SH3GLB2: variants seen among roughly 807,000 people sequenced by gnomAD.
SH3GLB2 encodes the protein SH3 domain containing GRB2 like, endophilin B2.
Under a neutral mutation model 48.0 loss-of-function variants are expected in SH3GLB2, and 24 were observed. The observed-to-expected ratio is 0.50, with a 90% confidence interval of 0.36 to 0.70. The LOEUF is 0.70. Among genes scored for constraint, SH3GLB2 ranks in the 30% least tolerant of loss-of-function variants. SH3GLB2 has a pLI of 0.00. For synonymous variants in SH3GLB2, 227 were observed against 207.6 expected, an observed-to-expected ratio of 1.09 and a Z score of -0.80; for missense variants, 425 against 516.0, an observed-to-expected ratio of 0.82 and a Z score of 1.71.
In SH3GLB2 at chr9:129,010,672, T is replaced by C; in HGVS notation, c.646A>G (p.Lys216Glu). Residue 216 changes from lysine to glutamate, a missense_variant and splice_region_variant, in exon 7 of 11, where the codon AAG (lysine) becomes GAG (glutamate). Coordinates refer to ENST00000372564, the MANE Select transcript of SH3GLB2 (RefSeq NM_020145.4). ...ASALWNDEVD[K>E]AEQELRVAQT... ...CAGCCCCCCAGGCCCCAACTTACCT[T>C]GTCCACTTCATCATTCCAGAGCTGT... 6.2e-7 allele frequency: 1 copy of C among 1,613,860 alleles called. No homozygotes were observed.
chr9:129,009,174 G>A lies in SH3GLB2; in HGVS notation c.1012C>T (p.Arg338Cys), dbSNP rs756183083. 46 of 1,611,702 alleles carry A rather than the reference G, an allele frequency of 2.9e-5. No homozygotes were observed. Among genetic ancestry groups the A allele is most frequent in the Non-Finnish European group, 3.1e-5 (37 of 1,179,616 alleles). Residue 338 changes from arginine to cysteine, a missense_variant, in exon 10 of 11, where the codon CGC becomes TGC. Physicochemically the swap from Arg to Cys is radical, Grantham distance 180. Coordinates refer to ENST00000372564, the MANE Select transcript of SH3GLB2 (RefSeq NM_020145.4). ...TAGTCATAGAGCACCCGAGCTTTGC[G>A]GGTCCCACTGGCAGGGGGGGCCACC... is the stretch of plus-strand genomic sequence containing the variant. ...EEVAPPASGT[R>C]KARVLYDYEA...
At position 129,018,870 on chromosome 9, in the gene SH3GLB2, T is replaced by C. The variant is rs867297915; in HGVS notation, c.334+2221A>G. Among the ~76,000 whole-genome samples the C allele has an allele frequency of 7.4e-5, 11 of 147,930 alleles. No homozygotes were observed. In the South Asian group the frequency reaches 2.3e-3, roughly 32 times the overall value. On this transcript the variant is annotated intron_variant, in intron 3 of 10. Coordinates refer to ENST00000372564, the MANE Select transcript of SH3GLB2 (RefSeq NM_020145.4). Reference sequence around the variant, plus strand: ...TTGTGCCACTGCACTCCAGCCTGGGTGACAGAGTGAGACTCCATCTCAAAA... The same window carrying C: ...TTGTGCCACTGCACTCCAGCCTGGGCGACAGAGTGAGACTCCATCTCAAAA...
Position 129,014,863 on chromosome 9 carries a change from C to A in SH3GLB2, c.376G>T (p.Gly126Ter). The change falls in exon 4 of 11, where the codon GGA becomes TGA. Residue 126 changes from glycine (G) to a stop codon, truncating the protein, a stop_gained. Coordinates refer to ENST00000372564, the MANE Select transcript of SH3GLB2 (RefSeq NM_020145.4). LOFTEE classifies it high-confidence loss of function. This position sits in a 1 kb window ranked among gnomAD's most constrained non-coding sequence, Gnocchi z 4.1. ...IKVAEAEKQL[G>*]AAERDFIHTA... Reference sequence around the variant, plus strand: ...TGGATAAAATCCCTCTCCGCGGCTCCCAGTTGCTTTTCAGCTTCTGCCACC... The same window carrying A: ...TGGATAAAATCCCTCTCCGCGGCTCACAGTTGCTTTTCAGCTTCTGCCACC... The A allele has an allele frequency of 6.2e-7, 1 of 1,614,018 alleles. No homozygotes were observed. The highest frequency in any genetic ancestry group is 8.5e-7 in the Non-Finnish European group (1 of 1,179,998).
At position 129,008,228 on chromosome 9, in the gene SH3GLB2, C is replaced by G. The variant is rs1157170908; in HGVS notation, c.*456G>C. On this transcript the variant is annotated 3_prime_UTR_variant, in exon 11 of 11. Coordinates refer to ENST00000372564, the MANE Select transcript of SH3GLB2 (RefSeq NM_020145.4). ...ACACCAGCCCTGGCCAGGCTCTCCCCTCCCAGGGGCAGCGCCCAGTCCCCA... is the reference window on the plus strand; with the variant it reads ...ACACCAGCCCTGGCCAGGCTCTCCCGTCCCAGGGGCAGCGCCCAGTCCCCA... 1.7e-5 allele frequency: 3 copies of G among 177,796 alleles called. No homozygotes were observed. Among genetic ancestry groups the G allele is most frequent in the Non-Finnish European group, 3.6e-5 (3 of 83,212 alleles). The allele number at this position is 177,796 out of a possible 1,614,324, so 11.0% of individuals were successfully genotyped here. A position where few individuals can be genotyped will look rare whatever the true frequency, so the allele number is the denominator to read the frequency against.
At chr9:129,026,864 T>A (rs1191284826) in intron 1 of SH3GLB2, among the ~76,000 whole-genome samples, 1 of 152,104 alleles carries the variant, frequency 6.6e-6, no homozygotes, top group Non-Finnish European at 1.5e-5. Context: ...CCACCAGACT[T>A]GGAACACATT....
chr9:129,017,953 T>C (rs1588324755), intron 3 of SH3GLB2, among the ~76,000 whole-genome samples: 1 of 147,752 alleles, frequency 6.8e-6, no homozygotes, highest in African/African-American at 2.5e-5. Flanking sequence ...TGCGTGATGG[T>C]GCGTGCCTGT....
intron 3 of SH3GLB2, among the ~76,000 whole-genome samples, chr9:129,017,901 CAAAAAA>C (rs900509486): frequency 5.4e-4 from 35 of 64,788 alleles, no homozygotes; most frequent in African/African-American, 1.6e-3. Context: ...CCGTCTCAAA[CAAAAAA>C]AAAAAAAAAA....
At chr9:129,016,235 T>A (rs1162549284) in intron 3 of SH3GLB2, among the ~76,000 whole-genome samples, 1 of 148,330 alleles carries the variant, frequency 6.7e-6, no homozygotes, top group Non-Finnish European at 1.5e-5. Flanking sequence ...TCCAGCTACT[T>A]GGGAGACTGA....
rs963746992 is a variant in SH3GLB2, at chr9:129,016,341, TTAAAAAAAAAAAAAAAAAAA to T, written c.335-1457_335-1438del. Among the ~76,000 whole-genome samples the T allele has an allele frequency of 2.2e-3, 245 of 111,122 alleles. 1 individual carries two copies. Among genetic ancestry groups the T allele is most frequent in the African/African-American group, 8.7e-3 (237 of 27,314 alleles). 72.9% of individuals were successfully genotyped at this position (111,122 alleles called of 152,430 possible). Reference sequence around the variant, plus strand: ...CTGGGCAACAAGAGCAAGACTGTCTTTAAAAAAAAAAAAAAAAAAAAAAAAAAAAAAAGATACGGCCGGGT... The same window carrying T: ...CTGGGCAACAAGAGCAAGACTGTCTTAAAAAAAAAAAAGATACGGCCGGGT... On this transcript the variant is annotated intron_variant, in intron 3 of 10. Transcript: ENST00000372564.
rs376795988 is a variant in SH3GLB2, at chr9:129,008,681, T to C, written c.*3A>G. 3.7e-6 allele frequency: 6 copies of C among 1,612,968 alleles called. No individual in the cohort carries two copies. The highest frequency in any genetic ancestry group is 5.1e-6 in the Non-Finnish European group (6 of 1,179,072). On this transcript the variant is annotated 3_prime_UTR_variant, in exon 11 of 11. Transcript: ENST00000372564. ...AGAATGCGGGGGGGATGGGGGCACC[T>C]GCCTAGCTGAGCAGTTCCAAGTAGG...
intron 1 of SH3GLB2, among the ~76,000 whole-genome samples, chr9:129,025,652 A>AGGCC (rs1844120292): frequency 6.6e-6 from 1 of 151,326 alleles, no homozygotes; most frequent in Non-Finnish European, 1.5e-5. Context: ...GCAGGCAGGC[A>AGGCC]GGCCTCCCTC....
At chr9:129,027,918 G>A (rs894768203) in intron 1 of SH3GLB2, among the ~76,000 whole-genome samples, 174 bp downstream of exon 1, 3 of 152,210 alleles carry the variant, frequency 2.0e-5, no homozygotes, top group Admixed American at 2.0e-4. Flanking sequence ...CGGGCCGCAC[G>A]GGCTCTTTCC....
chr9:129,009,749 T>G (rs1364872959), intron 9 of SH3GLB2, 22 bp downstream of exon 9: 1 of 1,600,388 alleles, frequency 6.2e-7, no homozygotes. Context: ...CCCCAGTGGG[T>G]TCAGCAGTGC....
chr9:129,017,339 T>C (rs1843491806), intron 3 of SH3GLB2, among the ~76,000 whole-genome samples: 2 of 152,160 alleles, frequency 1.3e-5, no homozygotes, highest in African/African-American at 4.8e-5. Context: ...GTGGCCTCGC[T>C]GACACCTATA....
chr9:129,013,833 C>T (rs1843262291), intron 5 of SH3GLB2: 1 of 306,366 alleles, frequency 3.3e-6, no homozygotes, highest in African/African-American at 2.2e-5. Context: ...TCGCCCTGGG[C>T]ACACTGTCCC....
intron 6 of SH3GLB2, 175 bp from the exon 7 acceptor site, chr9:129,010,868 T>C: frequency 1.4e-6 from 1 of 710,798 alleles, no homozygotes; most frequent in Non-Finnish European, 2.4e-6. Flanking sequence ...AGCTGGGGGC[T>C]GGCGGTCCCA....
At position 129,014,344 on chromosome 9, in the gene SH3GLB2, A is replaced by G; in HGVS notation, c.561+67T>C. Reference sequence around the variant, plus strand: ...GTCATGCCAAATACCAGGTCCCTTCATGCCACCACCCCTTGGCTCCAGCCA... The same window carrying G: ...GTCATGCCAAATACCAGGTCCCTTCGTGCCACCACCCCTTGGCTCCAGCCA... On this transcript the variant is annotated intron_variant, in intron 5 of 10. Coordinates refer to ENST00000372564, the MANE Select transcript of SH3GLB2 (RefSeq NM_020145.4). This position sits in a 1 kb window ranked among gnomAD's most constrained non-coding sequence, Gnocchi z 4.1. The G allele has an allele frequency of 1.4e-6, 2 of 1,446,816 alleles. No individual in the cohort carries two copies. Among genetic ancestry groups the G allele is most frequent in the Non-Finnish European group, 1.9e-6 (2 of 1,058,634 alleles). 89.6% of individuals were successfully genotyped at this position (1,446,816 alleles called of 1,614,324 possible).
chr9:129,009,517 A>G (rs1842977088), intron 9 of SH3GLB2, 171 bp from the exon 10 acceptor site: 4 of 1,547,986 alleles, frequency 2.6e-6, no homozygotes, highest in Non-Finnish European at 3.5e-6. Flanking sequence ...AGATGGCCCC[A>G]CCCCCTGGTC....
chr9:129,009,135 TG>T lies in SH3GLB2; in HGVS notation c.1050del (p.Asp350GlufsTer94), dbSNP rs1199229923. ...ARVLYDYEAA[D>X]SSELALLADE... ...TCAGCCAGCAGGGCCAGCTCACTGC[TG>T]TCGGCTGCCTCGTAGTCATAGAGCA... On this transcript the variant is annotated frameshift_variant, in exon 10 of 11. Coordinates refer to ENST00000372564, the MANE Select transcript of SH3GLB2 (RefSeq NM_020145.4). LOFTEE classifies it high-confidence loss of function. 1 of 1,610,460 alleles carries T rather than the reference TG, an allele frequency of 6.2e-7. No individual in the cohort carries two copies. The highest frequency in any genetic ancestry group is 8.5e-7 in the Non-Finnish European group (1 of 1,179,772).
Sources: allele counts gnomAD v4.1 joint callset (sites outside exome capture counted in the v4.1 genomes callset), GRCh38; gene constraint gnomAD v4.1.1; non-coding constraint Gnocchi (gnomAD v3.1); transcripts MANE v1.5; gene names NCBI Gene and HGNC (gene_info 2026-07-23, HGNC 2026-07-21).